The following KAZN variants were observed in gnomAD, a reference collection of about 807,000 sequenced individuals.
KAZN encodes the protein kazrin.
KAZN carries 40 observed loss-of-function variants against 87.4 expected under a neutral mutation model. That is an observed-to-expected ratio of 0.46 (90% CI 0.36 to 0.60). The LOEUF (loss-of-function observed/expected upper bound fraction) is 0.60. Among genes scored for constraint, KAZN ranks in the 20% least tolerant of loss-of-function variants. The pLI is 0.00. For missense variants in KAZN, 898 were observed against 1,073.9 expected (o/e 0.84, Z 2.29); for synonymous variants, 466 against 458.3 (o/e 1.02, Z -0.22).
Position 15,099,441 on chromosome 1 carries a change from G to A in KAZN, c.1548-2102G>A, listed in dbSNP as rs1295637783. Among the ~76,000 whole-genome samples, 2 of 152,224 alleles carry A rather than the reference G, an allele frequency of 1.3e-5. No individual in the cohort carries two copies. Among genetic ancestry groups the A allele is most frequent in the African/African-American group, 4.8e-5 (2 of 41,452 alleles). On this transcript the variant is annotated intron_variant, in intron 10 of 14. Coordinates refer to ENST00000376030, the MANE Select transcript of KAZN (RefSeq NM_201628.3). The surrounding 1 kb of genome is among the most constrained non-coding windows in gnomAD (Gnocchi z 5.4). ...CACTAGGGACAGTAAGCAGACTTGG[G>A]GGCAACTTCAGACAGCAAATTCAGA...
At chr1:14,092,967 T>G (rs1644041711) in intron 1 of KAZN, among the ~76,000 whole-genome samples, 1 of 152,232 alleles carries the variant, frequency 6.6e-6, no homozygotes, top group Non-Finnish European at 1.5e-5. Flanking sequence ...TCTTAGATAG[T>G]GCAAGAACTT....
intron 13 of KAZN, among the ~76,000 whole-genome samples, chr1:15,105,040 T>C (rs896397329): frequency 2.6e-5 from 4 of 152,238 alleles, no homozygotes; most frequent in African/African-American, 9.6e-5. Flanking sequence ...TAATCCTTTT[T>C]ATATATTGCT....
intron 2 of KAZN, among the ~76,000 whole-genome samples, chr1:14,277,014 T>A (rs1652410075): frequency 1.3e-5 from 2 of 152,226 alleles, no homozygotes; most frequent in African/African-American, 4.8e-5. Context: ...CTGGCTTGGA[T>A]ATCAAAGTTG....
At chr1:14,592,072 C>G (rs903480236) in intron 2 of KAZN, among the ~76,000 whole-genome samples, 1 of 152,144 alleles carries the variant, frequency 6.6e-6, no homozygotes, top group Non-Finnish European at 1.5e-5. Context: ...GAGCCTTGGC[C>G]GCTCCTGTCT....
At chr1:13,969,623 C>A (rs1048799308) in intron 1 of KAZN, among the ~76,000 whole-genome samples, 2 of 152,136 alleles carry the variant, frequency 1.3e-5, no homozygotes, top group African/African-American at 2.4e-5. Context: ...TCCTACCTTG[C>A]ATTTCTTGCA....
intron 1 of KAZN, among the ~76,000 whole-genome samples, chr1:14,932,735 T>A (rs528394441): frequency 2.6e-5 from 4 of 151,106 alleles, no homozygotes; most frequent in Admixed American, 6.6e-5. Flanking sequence ...AAATGCAGAG[T>A]CCCACCCCAG....
chr1:14,699,066 C>T (rs1641778196), intron 1 of KAZN, among the ~76,000 whole-genome samples: 1 of 152,188 alleles, frequency 6.6e-6, no homozygotes, highest in Non-Finnish European at 1.5e-5. Context: ...ATAGGAAAGC[C>T]CCAGTAAAGA....
At chr1:13,991,511 G>T (rs189247200) in intron 1 of KAZN, among the ~76,000 whole-genome samples, 1 of 152,134 alleles carries the variant, frequency 6.6e-6, no homozygotes. Context: ...AATACCTCAA[G>T]GACAAAGATA....
intron 2 of KAZN, among the ~76,000 whole-genome samples, chr1:14,313,926 T>G (rs1655472614): frequency 6.6e-6 from 1 of 152,140 alleles, no homozygotes; most frequent in African/African-American, 2.4e-5. Flanking sequence ...GCTTAGCTTT[T>G]TCAAGTGGAA....
In KAZN at chr1:14,773,253, C is replaced by A. The variant is rs183298583; in HGVS notation, c.226+174030C>A. 2.0e-5 allele frequency among the ~76,000 whole-genome samples: 3 copies of A among 152,246 alleles called. No individual in the cohort carries two copies. Among genetic ancestry groups the A allele is most frequent in the Non-Finnish European group, 4.4e-5 (3 of 68,012 alleles). ...GAAGAGATCTGATACTGAGATCCCG[C>A]TAGTCATGGGGTGAGCTACAGTGGG... On this transcript the variant is annotated intron_variant, in intron 1 of 14. Coordinates refer to ENST00000376030, the MANE Select transcript of KAZN (RefSeq NM_201628.3). The surrounding 1 kb of genome is among the most constrained non-coding windows in gnomAD (Gnocchi z 5.9).
At chr1:14,528,635 G>C (rs1291043875) in intron 2 of KAZN, among the ~76,000 whole-genome samples, 2 of 151,248 alleles carry the variant, frequency 1.3e-5, no homozygotes, top group African/African-American at 4.9e-5. Context: ...TGTAGTCCCA[G>C]CTATTTGGGA....
intron 1 of KAZN, among the ~76,000 whole-genome samples, chr1:14,632,707 C>T (rs570556967): frequency 2.6e-4 from 40 of 152,008 alleles, no homozygotes; most frequent in Admixed American, 5.9e-4. Context: ...AAACTGAGAC[C>T]GCAAGTGTAA....
At chr1:14,268,423 G>A (rs997185300) in intron 2 of KAZN, among the ~76,000 whole-genome samples, 2 of 149,956 alleles carry the variant, frequency 1.3e-5, no homozygotes, top group Non-Finnish European at 3.0e-5. Context: ...GAAGATTTTT[G>A]TATAGAATGA....
At chr1:14,855,162 G>A (rs766172796) in intron 1 of KAZN, among the ~76,000 whole-genome samples, 5 of 152,112 alleles carry the variant, frequency 3.3e-5, no homozygotes, top group South Asian at 2.1e-4. Flanking sequence ...TTACCAGCCC[G>A]TTTCCAACCT....
At chr1:14,679,635 A>G (rs1023230784) in intron 1 of KAZN, among the ~76,000 whole-genome samples, 1 of 152,216 alleles carries the variant, frequency 6.6e-6, no homozygotes, top group African/African-American at 2.4e-5. Flanking sequence ...ATGACCAATC[A>G]GGTGCCTTAC....
Position 14,184,795 on chromosome 1 carries a change from G to C in KAZN, c.249+4203G>C, listed in dbSNP as rs967530996. ...CCTTGGCTCAGGTTCCTGGCAGATAGGGAGGGTTAGCGCCCCAAAGTCAAC... is the reference window on the plus strand; with the variant it reads ...CCTTGGCTCAGGTTCCTGGCAGATACGGAGGGTTAGCGCCCCAAAGTCAAC... On this transcript the variant is annotated intron_variant, in intron 2 of 16. Coordinates refer to the KAZN transcript ENST00000636203. This position sits in a 1 kb window ranked among gnomAD's most constrained non-coding sequence, Gnocchi z 4.2. Among the ~76,000 whole-genome samples the C allele has an allele frequency of 2.6e-5, 4 of 152,166 alleles. No homozygotes were observed. The highest frequency in any genetic ancestry group is 9.7e-5 in the African/African-American group (4 of 41,450).
At chr1:14,793,274 G>A (rs1160924612) in intron 1 of KAZN, among the ~76,000 whole-genome samples, 1 of 152,136 alleles carries the variant, frequency 6.6e-6, no homozygotes, top group Non-Finnish European at 1.5e-5. Flanking sequence ...CTAGACCAAG[G>A]AAAGAGAGGA....
chr1:14,367,206 G>A (rs1660073720), intron 2 of KAZN, among the ~76,000 whole-genome samples: 1 of 152,192 alleles, frequency 6.6e-6, no homozygotes, highest in Non-Finnish European at 1.5e-5. Flanking sequence ...TCCAGCCGAG[G>A]TGACAGAGCA....
intron 1 of KAZN, among the ~76,000 whole-genome samples, chr1:14,861,827 G>A (rs562367237): frequency 1.3e-5 from 2 of 152,302 alleles, no homozygotes; most frequent in South Asian, 4.1e-4. Flanking sequence ...TATGAGGCTG[G>A]AGCTGCTAGC....
Sources: allele counts gnomAD v4.1 joint callset (sites outside exome capture counted in the v4.1 genomes callset), GRCh38; gene constraint gnomAD v4.1.1; non-coding constraint Gnocchi (gnomAD v3.1); transcripts MANE v1.5; gene names NCBI Gene and HGNC (gene_info 2026-07-23, HGNC 2026-07-21).